Variants in KCNIP4 observed in about 807,000 individuals in gnomAD.
The protein encoded by KCNIP4 is potassium voltage-gated channel interacting protein 4, also known as Kv channel-interacting protein 4.
In KCNIP4, 12 loss-of-function variants were observed where a neutral mutation model predicts 34.0. The ratio of observed to expected loss-of-function variants is 0.35; its 90% CI spans 0.23 to 0.57. The LOEUF (loss-of-function observed/expected upper bound fraction) is 0.57. KCNIP4 is among the 20% of genes least tolerant of loss of function. KCNIP4 has a pLI of 0.83. For synonymous variants in KCNIP4, 124 were observed against 102.2 expected, an observed-to-expected ratio of 1.21 and a Z score of -1.29; for missense variants, 238 against 311.7, an observed-to-expected ratio of 0.76 and a Z score of 1.78.
At chr4:21,304,347 G>C (rs570429024) in intron 1 of KCNIP4, among the ~76,000 whole-genome samples, 1 of 152,178 alleles carries the variant, frequency 6.6e-6, no homozygotes, top group African/African-American at 2.4e-5. Context: ...GGACCCAGGA[G>C]GTCACCAGGA....
chr4:20,994,561 C>A (rs1375474010), intron 1 of KCNIP4, among the ~76,000 whole-genome samples: 1 of 152,122 alleles, frequency 6.6e-6, no homozygotes, highest in Admixed American at 6.6e-5. Context: ...AATGATCAGA[C>A]CGAGGGACAC....
At chr4:20,868,226 G>C (rs987173499) in intron 2 of KCNIP4, among the ~76,000 whole-genome samples, 1 of 151,918 alleles carries the variant, frequency 6.6e-6, no homozygotes, top group African/African-American at 2.4e-5. Flanking sequence ...CACAGAGGTG[G>C]CCAACAAACA....
intron 1 of KCNIP4, among the ~76,000 whole-genome samples, chr4:21,769,588 G>A (rs1718642576): frequency 6.6e-6 from 1 of 152,090 alleles, no homozygotes; most frequent in South Asian, 2.1e-4. Flanking sequence ...TGTCATGCAA[G>A]AAGATTTTAT....
intron 1 of KCNIP4, among the ~76,000 whole-genome samples, chr4:21,519,756 TATG>T (rs1735323987): frequency 7.7e-6 from 1 of 130,378 alleles, no homozygotes; most frequent in African/African-American, 3.5e-5. Context: ...CACGTGTGTG[TATG>T]TATGTGTGTA....
chr4:21,793,755 G>GA (rs1256314752), intron 1 of KCNIP4, among the ~76,000 whole-genome samples: 2 of 151,922 alleles, frequency 1.3e-5, no homozygotes, highest in African/African-American at 2.4e-5. Flanking sequence ...GCCACTTAAG[G>GA]AAAAAATACA....
chr4:20,926,608 G>C (rs16870186), intron 1 of KCNIP4, among the ~76,000 whole-genome samples: 20,527 of 152,116 alleles, frequency 0.13, 1,948 homozygotes, highest in African/African-American at 0.28. Flanking sequence ...TTGGTAAAGT[G>C]AGAAATCCAT....
chr4:21,470,728 T>A (rs1730389540), intron 1 of KCNIP4, among the ~76,000 whole-genome samples: 1 of 151,998 alleles, frequency 6.6e-6, no homozygotes, highest in Non-Finnish European at 1.5e-5. Context: ...AAAGAGCTTG[T>A]GGTGACTCAC....
intron 1 of KCNIP4, among the ~76,000 whole-genome samples, chr4:20,886,380 C>T (rs1376180032): frequency 2.0e-5 from 3 of 152,128 alleles, no homozygotes; most frequent in Non-Finnish European, 4.4e-5. Flanking sequence ...CCTGAAGTGG[C>T]TGGAATTTGT....
At chr4:20,931,728 AAAG>A (rs1730492052) in intron 1 of KCNIP4, among the ~76,000 whole-genome samples, 1 of 152,150 alleles carries the variant, frequency 6.6e-6, no homozygotes, top group African/African-American at 2.4e-5. Flanking sequence ...GAATCTTAAA[AAAG>A]AAGGTCAAAT....
At chr4:20,874,710 T>C (rs373786128) in intron 2 of KCNIP4, among the ~76,000 whole-genome samples, 5 of 150,858 alleles carry the variant, frequency 3.3e-5, no homozygotes, top group African/African-American at 7.3e-5. Context: ...GTTTGGAAGA[T>C]AGAGATTATA....
intron 1 of KCNIP4, among the ~76,000 whole-genome samples, chr4:21,293,064 A>G (rs1444312187): frequency 6.6e-6 from 1 of 152,248 alleles, no homozygotes; most frequent in Non-Finnish European, 1.5e-5. Flanking sequence ...TCTGTAGGAC[A>G]TGGATAGATA....
At chr4:21,781,291 C>T (rs549853871) in intron 1 of KCNIP4, among the ~76,000 whole-genome samples, 1 of 152,200 alleles carries the variant, frequency 6.6e-6, no homozygotes, top group South Asian at 2.1e-4. Flanking sequence ...TCCCTTTCAC[C>T]TTCTGCCATA....
At chr4:21,937,344 C>T (rs527672359) in intron 1 of KCNIP4, among the ~76,000 whole-genome samples, 2 of 152,178 alleles carry the variant, frequency 1.3e-5, no homozygotes, top group Non-Finnish European at 2.9e-5. Context: ...CCATCTTTCT[C>T]CCCCACAACA....
chr4:21,524,231 G>GT (rs1002967683), intron 1 of KCNIP4, among the ~76,000 whole-genome samples: 9 of 151,752 alleles, frequency 5.9e-5, no homozygotes, highest in African/African-American at 2.2e-4. Context: ...CTTATGGATG[G>GT]TTAACAGTGT....
chr4:21,020,558 G>C (rs1739944266), intron 1 of KCNIP4, among the ~76,000 whole-genome samples: 1 of 151,878 alleles, frequency 6.6e-6, no homozygotes, highest in Admixed American at 6.6e-5. Context: ...CGATCTTCAG[G>C]GTACACAGAG....
At chr4:20,875,392 C>G (rs1266214145) in intron 2 of KCNIP4, among the ~76,000 whole-genome samples, 2 of 152,116 alleles carry the variant, frequency 1.3e-5, no homozygotes, top group Admixed American at 6.6e-5. Flanking sequence ...GGGTATAATC[C>G]TGTCCACCTT....
At chr4:21,519,761 ATGTGTGTATACACACGTGTGTGTATG>A (rs1735330135) in intron 1 of KCNIP4, among the ~76,000 whole-genome samples, 6 of 134,444 alleles carry the variant, frequency 4.5e-5, no homozygotes, top group African/African-American at 1.8e-4. Flanking sequence ...GTGTGTATGT[ATGTGTGTATACACACGTGTGTGTATG>A]TGTGTGTATA....
chr4:20,941,693 C>T (rs1731655633), intron 1 of KCNIP4, among the ~76,000 whole-genome samples: 2 of 152,126 alleles, frequency 1.3e-5, no homozygotes, highest in Non-Finnish European at 2.9e-5. Context: ...ATGTAATCTT[C>T]TATTTCAAAT....
chr4:21,647,664 T>C (rs1747124571), intron 1 of KCNIP4, among the ~76,000 whole-genome samples: 1 of 152,098 alleles, frequency 6.6e-6, no homozygotes, highest in Non-Finnish European at 1.5e-5. Flanking sequence ...GTCTGTTCAT[T>C]GTCCCTCATC....
Sources: allele counts gnomAD v4.1 joint callset (sites outside exome capture counted in the v4.1 genomes callset), GRCh38; gene constraint gnomAD v4.1.1; transcripts MANE v1.5; gene names NCBI Gene and HGNC (gene_info 2026-07-23, HGNC 2026-07-21).